Variants in GPATCH2 observed in about 807,000 individuals in gnomAD.
The protein encoded by GPATCH2 is G patch domain-containing protein 2.
GPATCH2 carries 51 observed loss-of-function variants against 58.0 expected under a neutral mutation model. The observed-to-expected ratio is 0.88, with a 90% CI of 0.70 to 1.11. GPATCH2 has a LOEUF of 1.11. Ranked by LOEUF, GPATCH2 falls within the 50% of genes most tolerant of loss-of-function variation. GPATCH2 has a pLI of 0.00. For synonymous variants in GPATCH2, 222 were observed against 218.5 expected, an observed-to-expected ratio of 1.02 and a Z score of -0.14; for missense variants, 625 against 652.2, an observed-to-expected ratio of 0.96 and a Z score of 0.45.
chr1:217,569,449 C>A (rs1185046252), intron 5 of GPATCH2, among the ~76,000 whole-genome samples: 2 of 152,116 alleles, frequency 1.3e-5, no homozygotes, highest in African/African-American at 4.8e-5. Flanking sequence ...AATCACAGCA[C>A]TTTGGGAGGC....
chr1:217,605,079 A>G (rs1668292709), intron 5 of GPATCH2, among the ~76,000 whole-genome samples: 1 of 152,176 alleles, frequency 6.6e-6, no homozygotes, highest in African/African-American at 2.4e-5. Context: ...AAGGCTATAA[A>G]GTAGACTAAA....
intron 6 of GPATCH2, among the ~76,000 whole-genome samples, chr1:217,514,335 T>C (rs1273251179): frequency 6.6e-6 from 1 of 151,418 alleles, no homozygotes; most frequent in Non-Finnish European, 1.5e-5. Context: ...ACTTTTTGTA[T>C]TTTTAGTAGA....
chr1:217,439,869 A>C (rs1168637639), intron 9 of GPATCH2, among the ~76,000 whole-genome samples: 1 of 152,238 alleles, frequency 6.6e-6, no homozygotes, highest in Non-Finnish European at 1.5e-5. Flanking sequence ...TGAGGCAGCA[A>C]TTAATAGCCT....
chr1:217,622,994 CT>C (rs1669273957), intron 1 of GPATCH2, among the ~76,000 whole-genome samples: 2 of 152,208 alleles, frequency 1.3e-5, no homozygotes, highest in South Asian at 4.1e-4. Context: ...ATCAAATGCC[CT>C]TTTCCCTTAA....
intron 8 of GPATCH2, among the ~76,000 whole-genome samples, chr1:217,454,600 A>C (rs1454154540): frequency 2.0e-5 from 3 of 150,396 alleles, no homozygotes; most frequent in African/African-American, 7.3e-5. Flanking sequence ...AAAAAAAAAA[A>C]AAAAAAAAAA....
In GPATCH2 at chr1:217,431,234, T is replaced by C. The variant is rs761991102; in HGVS notation, c.1498A>G (p.Met500Val). The C allele has an allele frequency of 1.2e-6, 2 of 1,610,734 alleles. No individual in the cohort carries two copies. Among genetic ancestry groups the C allele is most frequent in the Non-Finnish European group, 1.7e-6 (2 of 1,176,968 alleles). Residue 500 changes from methionine (M) to valine (V), a missense_variant, in exon 10 of 10, where the codon ATG (methionine) becomes GTG (valine). Physicochemically the swap from Met to Val is conservative, Grantham distance 21. Coordinates refer to ENST00000366935, the MANE Select transcript of GPATCH2 (RefSeq NM_018040.5). ...AGTCCTAATCCCTTTGGCCTCTGCA[T>C]GGCTTGAATTGGCTCAGAGATCCCC... ...GKGISEPIQAMQRPKGLGLGF... is the reference protein window; with the variant it reads ...GKGISEPIQAVQRPKGLGLGF...
At chr1:217,470,853 A>T (rs1660695462) in intron 8 of GPATCH2, among the ~76,000 whole-genome samples, 1 of 152,058 alleles carries the variant, frequency 6.6e-6, no homozygotes, top group East Asian at 1.9e-4. Context: ...AATGCATTCC[A>T]ATTAAACAAA....
intron 5 of GPATCH2, among the ~76,000 whole-genome samples, chr1:217,553,513 A>T: frequency 6.6e-6 from 1 of 152,166 alleles, no homozygotes; most frequent in East Asian, 1.9e-4. Context: ...TCATTATTGT[A>T]ATTGTAAGAA....
chr1:217,618,962 C>T (rs1451537528), intron 2 of GPATCH2, among the ~76,000 whole-genome samples: 4 of 133,728 alleles, frequency 3.0e-5, no homozygotes, highest in Admixed American at 2.2e-4. Context: ...GTCTCTATCT[C>T]GAAAAAAAAA....
At chr1:217,460,583 T>C (rs956009383) in intron 8 of GPATCH2, among the ~76,000 whole-genome samples, 1 of 152,244 alleles carries the variant, frequency 6.6e-6, no homozygotes, top group Non-Finnish European at 1.5e-5. Flanking sequence ...TGACGTGCCA[T>C]AGCTGTGTCG....
intron 5 of GPATCH2, among the ~76,000 whole-genome samples, chr1:217,554,122 G>C (rs1387478118): frequency 6.6e-6 from 1 of 152,228 alleles, no homozygotes; most frequent in Non-Finnish European, 1.5e-5. Flanking sequence ...CTACAGTAAA[G>C]TGGGTGACAA....
Position 217,614,213 on chromosome 1 carries a change from G to A in GPATCH2, c.774-11C>T. ...AGACTGCTGGAATCACTGTAATAAGGAAAAAGAAAGAAACAGATCAAAAGA... is the reference window on the plus strand; with the variant it reads ...AGACTGCTGGAATCACTGTAATAAGAAAAAAGAAAGAAACAGATCAAAAGA... On this transcript the variant is annotated splice_polypyrimidine_tract_variant and intron_variant, in intron 2 of 9. Transcript: ENST00000366935. 6.7e-7 allele frequency: 1 copy of A among 1,495,764 alleles called. No individual in the cohort carries two copies. The highest frequency in any genetic ancestry group is 9.3e-7 in the Non-Finnish European group (1 of 1,077,618). The allele number at this position is 1,495,764 out of a possible 1,614,324, so 92.7% of individuals were successfully genotyped here.
chr1:217,486,269 T>C (rs1194868397), intron 8 of GPATCH2, among the ~76,000 whole-genome samples: 1 of 152,250 alleles, frequency 6.6e-6, no homozygotes, highest in Non-Finnish European at 1.5e-5. Flanking sequence ...TATATCTATT[T>C]TGATTAATAT....
rs928016942 is a variant in GPATCH2, at chr1:217,618,634, C to CA, written c.773+1148dup. 3.4e-4 allele frequency among the ~76,000 whole-genome samples: 51 copies of CA among 151,712 alleles called. 1 individual carries two copies. The highest frequency in any genetic ancestry group is 1.1e-3 in the African/African-American group (44 of 41,368). The stretch of plus-strand genomic sequence containing the variant: ...CACTCATTTACAAGCAAAAAAACCC[C>CA]AAAAAAACAAAATAAAAAATAAAAA... On this transcript the variant is annotated intron_variant, in intron 2 of 9. Transcript: ENST00000366935.
chr1:217,579,132 CT>C, intron 5 of GPATCH2, among the ~76,000 whole-genome samples: 1 of 151,972 alleles, frequency 6.6e-6, no homozygotes, highest in African/African-American at 2.4e-5. Context: ...TGTAACGCAC[CT>C]AAACACACAC....
chr1:217,501,459 C>G, intron 6 of GPATCH2, among the ~76,000 whole-genome samples: 1 of 152,154 alleles, frequency 6.6e-6, no homozygotes, highest in East Asian at 1.9e-4. Context: ...GGATCAATGA[C>G]CAAGAGTGCA....
At chr1:217,606,079 T>C (rs1266314523) in intron 5 of GPATCH2, among the ~76,000 whole-genome samples, 3 of 151,956 alleles carry the variant, frequency 2.0e-5, no homozygotes, top group Non-Finnish European at 4.4e-5. Context: ...CTCAGGACTC[T>C]GTTTGCATGC....
intron 2 of GPATCH2, among the ~76,000 whole-genome samples, chr1:217,616,747 T>A (rs1471574402): frequency 6.6e-6 from 1 of 152,098 alleles, no homozygotes; most frequent in African/African-American, 2.4e-5. Context: ...CTTTTTAGAG[T>A]GAATTTTATA....
intron 2 of GPATCH2, among the ~76,000 whole-genome samples, chr1:217,616,041 A>C (rs1040604728): frequency 3.3e-5 from 5 of 152,166 alleles, no homozygotes; most frequent in African/African-American, 1.2e-4. Context: ...AATTCTAATA[A>C]ACTATGAACT....
Sources: gnomAD v4.1 joint callset for allele counts (sites outside exome capture counted in the v4.1 genomes callset) on GRCh38, gnomAD v4.1.1 for gene constraint, MANE v1.5 for transcripts, NCBI Gene and HGNC (gene_info 2026-07-23, HGNC 2026-07-21) for gene names.